Variants in DAPK1 observed in about 807,000 individuals in gnomAD.
DAPK1 encodes the protein death associated protein kinase 1, also known as death-associated protein kinase 1.
DAPK1 carries 56 observed loss-of-function variants against 144.9 expected under a neutral mutation model. That is an observed-to-expected ratio of 0.39 (90% CI 0.31 to 0.48). The LOEUF (loss-of-function observed/expected upper bound fraction) is 0.48. Among genes scored for constraint, DAPK1 ranks in the 20% least tolerant of loss-of-function variants. DAPK1 has a pLI of 0.95. For missense variants in DAPK1, 1,454 were observed against 1,875.4 expected (o/e 0.78, Z 4.15); for synonymous variants, 690 against 749.0 (o/e 0.92, Z 1.29).
intron 25 of DAPK1, among the ~76,000 whole-genome samples, chr9:87,705,498 A>G (rs2118115142): frequency 6.6e-6 from 1 of 152,332 alleles, no homozygotes; most frequent in South Asian, 2.1e-4. Context: ...CTGGGATTAC[A>G]GGCATGAGTC....
intron 2 of DAPK1, among the ~76,000 whole-genome samples, chr9:87,582,924 GAGCAGCAGC>G (rs928181369): frequency 2.0e-5 from 3 of 151,712 alleles, no homozygotes; most frequent in Non-Finnish European, 4.4e-5. Flanking sequence ...AGAACCACAG[GAGCAGCAGC>G]AGCAGCAGCA....
chr9:87,600,112 G>A (rs1039499404), intron 2 of DAPK1, among the ~76,000 whole-genome samples: 1 of 152,184 alleles, frequency 6.6e-6, no homozygotes, highest in African/African-American at 2.4e-5. Flanking sequence ...CACTAAATGG[G>A]CTGCGGAGAG....
In DAPK1 at chr9:87,513,119, A is replaced by G. The variant is rs542022778; in HGVS notation, c.62+13980A>G. On this transcript the variant is annotated intron_variant, in intron 2 of 25. Coordinates refer to ENST00000408954, the MANE Select transcript of DAPK1 (RefSeq NM_004938.4). ...CATCAAGAGAACTAACAAATAGACA[A>G]CAAATAAGCTATAAACAGGTACCAT... 2.0e-5 allele frequency among the ~76,000 whole-genome samples: 3 copies of G among 152,378 alleles called. No homozygotes were observed. The South Asian group carries it at 6.2e-4, about 32-fold the overall frequency.
At chr9:87,634,612 A>C (rs527427553) in intron 3 of DAPK1, among the ~76,000 whole-genome samples, 1 of 152,286 alleles carries the variant, frequency 6.6e-6, no homozygotes, top group South Asian at 2.1e-4. Context: ...CTGAAGGAGG[A>C]TGGCACAATC....
chr9:87,576,784 C>G (rs991403290), intron 2 of DAPK1, among the ~76,000 whole-genome samples: 1 of 152,198 alleles, frequency 6.6e-6, no homozygotes, highest in East Asian at 1.9e-4. Flanking sequence ...TACCAAATTC[C>G]TGACCTCAAG....
chr9:87,637,929 T>C lies in DAPK1; in HGVS notation c.285-14T>C. The C allele has an allele frequency of 1.2e-6, 2 of 1,612,774 alleles. No homozygotes were observed. Among genetic ancestry groups the C allele is most frequent in the Non-Finnish European group, 1.7e-6 (2 of 1,179,018 alleles). On this transcript the variant is annotated splice_polypyrimidine_tract_variant and intron_variant, in intron 3 of 25. Coordinates refer to ENST00000408954, the MANE Select transcript of DAPK1 (RefSeq NM_004938.4). Reference sequence around the variant, plus strand: ...CAGAGTTGTTACCAATAACCTCTGCTTCCGGGTTCTCAGCGTTGCAGGTGG... The same window carrying C: ...CAGAGTTGTTACCAATAACCTCTGCCTCCGGGTTCTCAGCGTTGCAGGTGG...
intron 2 of DAPK1, among the ~76,000 whole-genome samples, chr9:87,504,038 T>C (rs573314224): frequency 1.2e-4 from 19 of 152,316 alleles, no homozygotes; most frequent in African/African-American, 3.8e-4. Context: ...GTCAGTCCTA[T>C]GAATAATGGC....
intron 2 of DAPK1, among the ~76,000 whole-genome samples, chr9:87,509,650 G>A (rs966181344): frequency 6.6e-6 from 1 of 152,170 alleles, no homozygotes; most frequent in Non-Finnish European, 1.5e-5. Flanking sequence ...GTGAGCCACC[G>A]CGCCCGGCCA....
chr9:87,527,416 G>A (rs1011584821), intron 2 of DAPK1, among the ~76,000 whole-genome samples: 1 of 152,156 alleles, frequency 6.6e-6, no homozygotes, highest in Non-Finnish European at 1.5e-5. Flanking sequence ...TCCATGCCAC[G>A]GGAACGTTTC....
At chr9:87,634,325 G>T (rs77623506) in intron 3 of DAPK1, among the ~76,000 whole-genome samples, 4 of 152,190 alleles carry the variant, frequency 2.6e-5, no homozygotes, top group Non-Finnish European at 5.9e-5. Flanking sequence ...CCTCGGCTGC[G>T]CTGGAGGGTC....
intron 17 of DAPK1, chr9:87,657,524 C>G (rs1830669869): frequency 6.0e-6 from 1 of 165,350 alleles, no homozygotes; most frequent in Admixed American, 5.5e-5. Flanking sequence ...AACCATGTTT[C>G]TTATCAAAAA....
At chr9:87,617,711 T>C (rs1405756105) in intron 3 of DAPK1, among the ~76,000 whole-genome samples, 1 of 152,214 alleles carries the variant, frequency 6.6e-6, no homozygotes, top group Non-Finnish European at 1.5e-5. Flanking sequence ...GATGTGTCTC[T>C]AGGTCTCTCT....
chr9:87,515,831 G>T (rs139598941), intron 2 of DAPK1, among the ~76,000 whole-genome samples: 1 of 152,100 alleles, frequency 6.6e-6, no homozygotes, highest in Non-Finnish European at 1.5e-5. Flanking sequence ...AGTAGCTGCC[G>T]TTTTCTTCCC....
intron 2 of DAPK1, among the ~76,000 whole-genome samples, chr9:87,533,183 G>A (rs557036243): frequency 1.3e-5 from 2 of 152,308 alleles, no homozygotes; most frequent in East Asian, 3.9e-4. Context: ...ACACATGCGT[G>A]TGTGTGGATA....
rs192858174 is a variant in DAPK1 at position 87,622,664 on chromosome 9, A to C, written c.285-15279A>C. On this transcript the variant is annotated intron_variant, in intron 3 of 25. Coordinates refer to ENST00000408954, the MANE Select transcript of DAPK1 (RefSeq NM_004938.4). Reference sequence around the variant, plus strand: ...TGTAGCTCACGCCTGTAATCCTAGCACTTTGGGAGGCCGAGGCAGGTGGAT... The same window carrying C: ...TGTAGCTCACGCCTGTAATCCTAGCCCTTTGGGAGGCCGAGGCAGGTGGAT... Among the ~76,000 whole-genome samples, 750 of 152,248 alleles carry C rather than the reference A, an allele frequency of 4.9e-3. 10 individuals are homozygous for C. The highest frequency in any genetic ancestry group is 0.017 in the African/African-American group (703 of 41,560).
Position 87,597,958 on chromosome 9 carries a change from C to T in DAPK1, c.63-6996C>T, listed in dbSNP as rs186400548. On this transcript the variant is annotated intron_variant, in intron 2 of 25. Coordinates refer to ENST00000408954, the MANE Select transcript of DAPK1 (RefSeq NM_004938.4). ...GGGTTTCCTAACTGCACCCTCTCTG[C>T]AACAGCAACTGCGTCCCCTTTTTTC... Among the ~76,000 whole-genome samples, 155 of 152,320 alleles carry T rather than the reference C, an allele frequency of 1.0e-3. 1 individual carries two copies. Among genetic ancestry groups the T allele is most frequent in the Admixed American group, 3.4e-3 (52 of 15,304 alleles).
At chr9:87,597,762 C>T (rs1828372522) in intron 2 of DAPK1, among the ~76,000 whole-genome samples, 1 of 152,110 alleles carries the variant, frequency 6.6e-6, no homozygotes, top group Non-Finnish European at 1.5e-5. Flanking sequence ...CCTGACGCCT[C>T]CCTGCCGCTC....
At chr9:87,625,156 T>TTTGTTTGTTTGC in intron 3 of DAPK1, among the ~76,000 whole-genome samples, 1 of 152,178 alleles carries the variant, frequency 6.6e-6, no homozygotes, top group Non-Finnish European at 1.5e-5. Context: ...ACAGAAACAG[T>TTTGTTTGTTTGC]TTGTTAATCG....
At chr9:87,648,659 GGT>G in intron 14 of DAPK1, 120 bp from the exon 15 acceptor site, 1 of 812,648 alleles carries the variant, frequency 1.2e-6, no homozygotes, top group Non-Finnish European at 2.1e-6. Context: ...GCCCAAGGTG[GGT>G]GGGTGGAACC....
Sources: allele counts gnomAD v4.1 joint callset (sites outside exome capture counted in the v4.1 genomes callset), GRCh38; gene constraint gnomAD v4.1.1; transcripts MANE v1.5; gene names NCBI Gene and HGNC (gene_info 2026-07-23, HGNC 2026-07-21).